The following DTNA variants were observed in gnomAD, a reference collection of about 807,000 sequenced individuals.
DTNA encodes the protein dystrophin-related protein 3.
DTNA carries 43 observed loss-of-function variants against 100.7 expected under a neutral mutation model. That is an observed-to-expected ratio of 0.43 (90% confidence interval 0.33 to 0.55). The LOEUF (loss-of-function observed/expected upper bound fraction) is 0.55. Ranked by LOEUF, DTNA falls within the 20% of genes least tolerant of loss-of-function variation. The pLI, the probability that DTNA is intolerant of heterozygous loss-of-function variation, is 0.04. For missense variants in DTNA, 798 were observed against 953.9 expected, an observed-to-expected ratio of 0.84 and a Z score of 2.15; for synonymous variants, 349 against 347.9, an observed-to-expected ratio of 1.00 and a Z score of -0.04.
At chr18:34,616,454 TATGCATA>T (rs2055304629) in intron 1 of DTNA, among the ~76,000 whole-genome samples, 2 of 152,172 alleles carry the variant, frequency 1.3e-5, no homozygotes, top group Non-Finnish European at 2.9e-5. Context: ...ATTTGCAAAC[TATGCATA>T]TGACAAAGAT....
At chr18:34,836,308 G>A (rs2096142242) in intron 11 of DTNA, among the ~76,000 whole-genome samples, 1 of 152,174 alleles carries the variant, frequency 6.6e-6, no homozygotes, top group South Asian at 2.1e-4. Context: ...GAAAGTTATT[G>A]AGGTCATCAG....
chr18:34,860,820 C>T (rs1261887646), intron 16 of DTNA, among the ~76,000 whole-genome samples: 1 of 152,162 alleles, frequency 6.6e-6, no homozygotes, highest in African/African-American at 2.4e-5. Flanking sequence ...TGACGCTTTG[C>T]TGCATACTAA....
intron 1 of DTNA, among the ~76,000 whole-genome samples, chr18:34,681,729 CA>C (rs1466521931): frequency 3.0e-4 from 45 of 149,856 alleles, no homozygotes; most frequent in Non-Finnish European, 5.0e-4. Flanking sequence ...CACACACACA[CA>C]CCCCACACAC....
chr18:34,560,605 A>G (rs1159554625), intron 1 of DTNA, among the ~76,000 whole-genome samples: 1 of 152,164 alleles, frequency 6.6e-6, no homozygotes, highest in East Asian at 1.9e-4. Context: ...ATCTATAGCA[A>G]TTTAAAATTT....
chr18:34,639,293 T>C (rs1048190648), intron 1 of DTNA, among the ~76,000 whole-genome samples: 7 of 152,224 alleles, frequency 4.6e-5, no homozygotes, highest in Admixed American at 3.9e-4. Context: ...TCCCACAAGA[T>C]GCCAAATAGC....
chr18:34,678,006 G>A (rs2077597499), intron 1 of DTNA, among the ~76,000 whole-genome samples: 1 of 152,202 alleles, frequency 6.6e-6, no homozygotes, highest in African/African-American at 2.4e-5. Flanking sequence ...TACAGTCGTG[G>A]TGAAAGTGGA....
chr18:34,778,759 C>T (rs188513127), intron 3 of DTNA, among the ~76,000 whole-genome samples: 1 of 152,172 alleles, frequency 6.6e-6, no homozygotes, highest in Admixed American at 6.5e-5. Flanking sequence ...ACAAAACAAC[C>T]CTATTTGTCA....
At chr18:34,577,258 A>C (rs2048195853) in intron 1 of DTNA, among the ~76,000 whole-genome samples, 1 of 152,154 alleles carries the variant, frequency 6.6e-6, no homozygotes, top group African/African-American at 2.4e-5. Context: ...TTTGTCTTGA[A>C]GTTTAACATA....
At chr18:34,595,366 T>C (rs908280011) in intron 1 of DTNA, among the ~76,000 whole-genome samples, 1 of 151,576 alleles carries the variant, frequency 6.6e-6, no homozygotes, top group African/African-American at 2.4e-5. Context: ...GGGATTTGGG[T>C]TTTTTTTCAG....
At chr18:34,599,174 C>T (rs1205476355) in intron 1 of DTNA, among the ~76,000 whole-genome samples, 2 of 152,046 alleles carry the variant, frequency 1.3e-5, no homozygotes, top group East Asian at 1.9e-4. Flanking sequence ...AGAGAAAAGC[C>T]CCAGTATGGG....
chr18:34,569,379 A>G (rs2047369474), intron 1 of DTNA, among the ~76,000 whole-genome samples: 1 of 152,160 alleles, frequency 6.6e-6, no homozygotes, highest in Admixed American at 6.5e-5. Flanking sequence ...TCTTAAACAG[A>G]AAAGGAGGAG....
intron 1 of DTNA, among the ~76,000 whole-genome samples, chr18:34,536,773 A>T (rs2145642696): frequency 6.6e-6 from 1 of 152,158 alleles, no homozygotes; most frequent in Admixed American, 6.6e-5. Context: ...AATAAATAAA[A>T]ACCCATATAC....
intron 1 of DTNA, among the ~76,000 whole-genome samples, chr18:34,555,557 G>T (rs918054167): frequency 6.6e-6 from 1 of 152,140 alleles, no homozygotes; most frequent in Non-Finnish European, 1.5e-5. Flanking sequence ...ATGCGTCCCA[G>T]AGATTCTAGT....
intron 1 of DTNA, among the ~76,000 whole-genome samples, chr18:34,695,092 A>T (rs2080324778): frequency 1.3e-5 from 2 of 152,146 alleles, no homozygotes; most frequent in African/African-American, 2.4e-5. Context: ...AAATTACTGT[A>T]CTATAACAAC....
At chr18:34,697,539 T>C (rs1194892559) in intron 1 of DTNA, among the ~76,000 whole-genome samples, 1 of 151,840 alleles carries the variant, frequency 6.6e-6, no homozygotes, top group African/African-American at 2.4e-5. Flanking sequence ...AGAGATGACA[T>C]TGTTAGAAGG....
chr18:34,871,837 G>T lies in DTNA; in HGVS notation c.1744-3402G>T, dbSNP rs149558555. The stretch of plus-strand genomic sequence containing the variant: ...AGAGGTGGGGCCGTGATCACCCAGG[G>T]TGTCAGTGTCCTACCCCCAAAAGTC... On this transcript the variant is annotated intron_variant, in intron 17 of 22. Coordinates refer to ENST00000444659, the MANE Select transcript of DTNA (RefSeq NM_001386795.1). Among the ~76,000 whole-genome samples the T allele has an allele frequency of 2.6e-4, 40 of 152,350 alleles. No individual in the cohort carries two copies. The East Asian group carries it at 7.5e-3, about 29-fold the overall frequency.
At chr18:34,662,149 T>G (rs1009912518) in intron 1 of DTNA, among the ~76,000 whole-genome samples, 3 of 150,874 alleles carry the variant, frequency 2.0e-5, no homozygotes, top group African/African-American at 7.3e-5. Flanking sequence ...TTTTTTTTTT[T>G]GTACTCAGGT....
At chr18:34,526,999 A>G (rs1359828241) in intron 1 of DTNA, among the ~76,000 whole-genome samples, 1 of 152,016 alleles carries the variant, frequency 6.6e-6, no homozygotes. Context: ...ATCCTCATGA[A>G]AACTCTCTTT....
chr18:34,827,552 TA>T (rs2095887758), intron 9 of DTNA, 40 bp from the exon 10 acceptor site: 1 of 1,596,702 alleles, frequency 6.3e-7, no homozygotes, highest in Non-Finnish European at 8.6e-7. Context: ...TTGTGACTTT[TA>T]TTTGTTTTAA....
Sources: gnomAD v4.1 joint callset for allele counts (sites outside exome capture counted in the v4.1 genomes callset) on GRCh38, gnomAD v4.1.1 for gene constraint, MANE v1.5 for transcripts, NCBI Gene and HGNC (gene_info 2026-07-23, HGNC 2026-07-21) for gene names.